ATL2: variants seen among roughly 807,000 people sequenced by gnomAD.
ATL2 encodes atlastin-2.
In ATL2, 31 loss-of-function variants were observed where a neutral mutation model predicts 73.9. The observed-to-expected ratio is 0.42, with a 90% CI of 0.32 to 0.57. The LOEUF is 0.57. Ranked by LOEUF, ATL2 falls within the 20% of genes least tolerant of loss-of-function variation. The pLI is 0.14. For synonymous variants in ATL2, 291 were observed against 237.5 expected (o/e 1.23, Z -2.07); for missense variants, 738 against 702.6 (o/e 1.05, Z -0.57).
At chr2:38,364,237 G>C (rs1337378104) in intron 1 of ATL2, among the ~76,000 whole-genome samples, 1 of 151,930 alleles carries the variant, frequency 6.6e-6, no homozygotes, top group African/African-American at 2.4e-5. Flanking sequence ...ACTCCAGCCT[G>C]GGCAACAGAG....
chr2:38,358,655 G>C (rs983130222), intron 1 of ATL2: 130 of 183,364 alleles, frequency 7.1e-4, no homozygotes, highest in African/African-American at 3.0e-3. Flanking sequence ...CCGTGCCACT[G>C]CACCCCAGCC....
intron 7 of ATL2, 123 bp downstream of exon 7, chr2:38,313,028 C>G (rs1320000635): frequency 1.6e-6 from 1 of 619,590 alleles, no homozygotes; most frequent in African/African-American, 1.9e-5. Flanking sequence ...GTCACTTGGG[C>G]TAACCTGGAA....
intron 2 of ATL2, among the ~76,000 whole-genome samples, chr2:38,329,125 TAAAAAAAAAAA>T (rs56248819): frequency 1.9e-4 from 22 of 113,898 alleles, no homozygotes; most frequent in African/African-American, 7.2e-4. Flanking sequence ...ATCATCTATT[TAAAAAAAAAAA>T]AAAAAAAAGG....
intron 1 of ATL2, among the ~76,000 whole-genome samples, chr2:38,366,134 C>T (rs369367310): frequency 6.6e-6 from 1 of 150,772 alleles, no homozygotes; most frequent in East Asian, 1.9e-4. Context: ...GTCAGAGCTT[C>T]GCACTATACT....
chr2:38,365,736 T>C (rs1671285389), intron 1 of ATL2, among the ~76,000 whole-genome samples: 2 of 151,448 alleles, frequency 1.3e-5, no homozygotes, highest in South Asian at 2.1e-4. Context: ...GAAGCAGAGG[T>C]TGTAGTGAGC....
intron 2 of ATL2, among the ~76,000 whole-genome samples, chr2:38,319,838 T>C (rs1389717628): frequency 1.3e-5 from 2 of 152,050 alleles, no homozygotes; most frequent in Non-Finnish European, 2.9e-5. Flanking sequence ...CTGGGTGCAG[T>C]GGCTCATGCC....
Position 38,365,587 on chromosome 2 carries a change from G to A in ATL2, c.118+11556C>T, listed in dbSNP as rs570909122. On this transcript the variant is annotated intron_variant, in intron 1 of 12. Transcript: ENST00000378954. The stretch of plus-strand genomic sequence containing the variant: ...GGGTGAATCACGAGGTCAGGAGTTC[G>A]AGACCAGCCTGCCCAACATAGTGAA... Among the ~76,000 whole-genome samples the A allele has an allele frequency of 3.9e-5, 6 of 152,152 alleles. No homozygotes were observed. In the South Asian group the frequency reaches 1.0e-3, roughly 26 times the overall value.
chr2:38,304,270 A>C (rs1381708378), intron 9 of ATL2, among the ~76,000 whole-genome samples: 1 of 152,264 alleles, frequency 6.6e-6, no homozygotes, highest in Non-Finnish European at 1.5e-5. Flanking sequence ...GAAGAAAAAA[A>C]ACATTTTTCC....
chr2:38,376,253 T>C (rs755260757), intron 1 of ATL2: 30 of 1,425,584 alleles, frequency 2.1e-5, no homozygotes, highest in Admixed American at 1.0e-4. Flanking sequence ...CTCCTATAAA[T>C]AGGGGTGTTA....
chr2:38,305,452 G>A (rs1667399228), intron 9 of ATL2, among the ~76,000 whole-genome samples: 1 of 152,120 alleles, frequency 6.6e-6, no homozygotes. Context: ...AGGAGACTGA[G>A]GCAGGAGAAT....
intron 11 of ATL2, among the ~76,000 whole-genome samples, chr2:38,298,799 C>CA: frequency 6.6e-6 from 1 of 152,026 alleles, no homozygotes; most frequent in Non-Finnish European, 1.5e-5. Context: ...AAACTGAAGA[C>CA]AAAAAAATTT....
At chr2:38,342,306 G>C (rs767025056) in intron 2 of ATL2, among the ~76,000 whole-genome samples, 1 of 151,896 alleles carries the variant, frequency 6.6e-6, no homozygotes, top group Non-Finnish European at 1.5e-5. Flanking sequence ...ACCCATGACA[G>C]AGATTAAAGT....
chr2:38,352,264 A>C (rs1263842390), intron 1 of ATL2, among the ~76,000 whole-genome samples: 1 of 151,394 alleles, frequency 6.6e-6, no homozygotes, highest in African/African-American at 2.4e-5. Context: ...GGGAGGGAGG[A>C]TATTTGAGAC....
intron 2 of ATL2, among the ~76,000 whole-genome samples, chr2:38,340,464 C>A (rs1004495499): frequency 4.6e-5 from 7 of 152,038 alleles, no homozygotes; most frequent in African/African-American, 1.7e-4. Flanking sequence ...GAGGGGAAAG[C>A]CAACATCCCC....
At chr2:38,332,183 T>C (rs10175998) in intron 2 of ATL2, among the ~76,000 whole-genome samples, 43,060 of 151,978 alleles carry the variant, frequency 0.28, 6,181 homozygotes, top group South Asian at 0.36. Context: ...CAAAGGGCTG[T>C]CACAGGGATT....
chr2:38,351,823 T>C (rs1670364757), intron 1 of ATL2, among the ~76,000 whole-genome samples: 2 of 150,164 alleles, frequency 1.3e-5, no homozygotes, highest in African/African-American at 4.9e-5. Context: ...TTAAACAGCA[T>C]AAAATTGGCC....
At chr2:38,318,802 T>C in intron 3 of ATL2, 83 bp downstream of exon 3, 3 of 1,471,406 alleles carry the variant, frequency 2.0e-6, no homozygotes, top group Non-Finnish European at 1.9e-6. Flanking sequence ...CAAACATTAA[T>C]AGTTCTGTGT....
intron 1 of ATL2, among the ~76,000 whole-genome samples, chr2:38,351,406 G>T (rs905186824): frequency 6.6e-6 from 1 of 152,028 alleles, no homozygotes; most frequent in African/African-American, 2.4e-5. Flanking sequence ...CTGGAAAGTG[G>T]CCGAACAGTT....
At position 38,310,309 on chromosome 2, in the gene ATL2, C is replaced by T. The variant is rs1667676694; in HGVS notation, c.943G>A (p.Asp315Asn). The T allele has an allele frequency of 6.2e-7, 1 of 1,609,938 alleles. No individual in the cohort carries two copies. Among genetic ancestry groups the T allele is most frequent in the Admixed American group, 1.7e-5 (1 of 58,770 alleles). Residue 315 changes from aspartate to asparagine, a missense_variant and splice_region_variant, in exon 8 of 13, where the codon GAT becomes AAT. Physicochemically the swap from Asp to Asn is conservative, Grantham distance 23. Transcript: ENST00000378954. ...TNPSFDGRLK[D>N]IDEDFKRELR... ...TTTTAGCAAGAATGGGAATTCCCAC[C>T]TTTCAATCTCCCATCAAAACTAGGA...
Sources: gnomAD v4.1 joint callset for allele counts (sites outside exome capture counted in the v4.1 genomes callset) on GRCh38, gnomAD v4.1.1 for gene constraint, MANE v1.5 for transcripts, NCBI Gene and HGNC (gene_info 2026-07-23, HGNC 2026-07-21) for gene names.